Variants in JMJD1C observed in about 807,000 individuals in gnomAD.
JMJD1C encodes the protein jumonji domain-containing protein 1C.
JMJD1C carries 31 observed loss-of-function variants against 245.3 expected under a neutral mutation model. The observed-to-expected ratio is 0.13, with a 90% CI of 0.09 to 0.17. The LOEUF is 0.17. Among genes scored for constraint, JMJD1C ranks in the 10% least tolerant of loss-of-function variants. The probability of loss-of-function intolerance (pLI) is 1.00; values close to 1 mark genes in which losing one functional copy is unlikely to be tolerated. For missense variants in JMJD1C, 2,691 were observed against 3,000.2 expected (o/e 0.90, Z 2.41); for synonymous variants, 1,057 against 1,017.4 (o/e 1.04, Z -0.74).
chr10:63,284,446 G>C (rs1007729761), intron 2 of JMJD1C, among the ~76,000 whole-genome samples: 3 of 152,160 alleles, frequency 2.0e-5, no homozygotes, highest in Non-Finnish European at 4.4e-5. Context: ...TGAAGGCTGA[G>C]AGTGGTGTTA....
intron 1 of JMJD1C, among the ~76,000 whole-genome samples, chr10:63,521,000 C>T (rs1955201186): frequency 6.6e-6 from 1 of 152,218 alleles, no homozygotes; most frequent in Non-Finnish European, 1.5e-5. Context: ...AAAACCAGGG[C>T]CTGGTCGAGA....
At chr10:63,462,165 C>G (rs1952838789) in intron 1 of JMJD1C, among the ~76,000 whole-genome samples, 1 of 152,144 alleles carries the variant, frequency 6.6e-6, no homozygotes, top group African/African-American at 2.4e-5. Context: ...ATAAAAAAGG[C>G]TTAGATATTT....
chr10:63,199,454 C>G (rs1236217088), intron 11 of JMJD1C, among the ~76,000 whole-genome samples: 2 of 152,018 alleles, frequency 1.3e-5, no homozygotes, highest in Non-Finnish European at 2.9e-5. Context: ...TTCTTTTATC[C>G]CTACTTTTCA....
At chr10:63,495,322 A>C (rs1422523312) in intron 1 of JMJD1C, among the ~76,000 whole-genome samples, 1 of 152,146 alleles carries the variant, frequency 6.6e-6, no homozygotes, top group East Asian at 1.9e-4. Context: ...TATAGGAGCC[A>C]ATCTGGAGAC....
At chr10:63,506,213 A>G (rs1954713209) in intron 1 of JMJD1C, among the ~76,000 whole-genome samples, 1 of 152,184 alleles carries the variant, frequency 6.6e-6, no homozygotes, top group Non-Finnish European at 1.5e-5. Flanking sequence ...TGATCAATAT[A>G]ATAAAGGAAT....
At position 63,268,514 on chromosome 10, in the gene JMJD1C, A is replaced by G. The variant is rs973988446; in HGVS notation, c.334-3750T>C. On this transcript the variant is annotated intron_variant, in intron 2 of 25. Transcript: ENST00000399262. ...ACTACAAACACAATAAACCTTTTTA[A>G]ACAAATGAAAGTTAAAAATTCTTAA... The G allele has an allele frequency of 1.9e-4, 32 of 167,354 alleles. No homozygotes were observed. In the East Asian group the frequency reaches 5.5e-3, roughly 29 times the overall value. The allele number at this position is 167,354 out of a possible 1,614,324, so 10.4% of individuals were successfully genotyped here.
At chr10:63,406,881 C>CA (rs1949203132) in intron 1 of JMJD1C, among the ~76,000 whole-genome samples, 1 of 151,800 alleles carries the variant, frequency 6.6e-6, no homozygotes, top group African/African-American at 2.4e-5. Context: ...ATGTAGGACT[C>CA]AAAGAATAAT....
intron 1 of JMJD1C, chr10:63,521,500 C>T: frequency 7.3e-7 from 1 of 1,363,770 alleles, no homozygotes; most frequent in Non-Finnish European, 9.6e-7. Context: ...GTCCGCAGCG[C>T]CCTGCGCCCA....
chr10:63,350,220 T>C (rs1359088319), intron 2 of JMJD1C, among the ~76,000 whole-genome samples: 3 of 152,174 alleles, frequency 2.0e-5, no homozygotes, highest in Non-Finnish European at 2.9e-5. Context: ...TGTGGGTTTA[T>C]TGTTTGTGAG....
intron 2 of JMJD1C, among the ~76,000 whole-genome samples, chr10:63,365,494 G>A (rs1945756614): frequency 6.6e-6 from 1 of 152,158 alleles, no homozygotes; most frequent in Non-Finnish European, 1.5e-5. Context: ...ATTCAGGCCA[G>A]GTGCAGTGGC....
At chr10:63,390,693 G>C (rs1366941956) in intron 1 of JMJD1C, among the ~76,000 whole-genome samples, 1 of 152,100 alleles carries the variant, frequency 6.6e-6, no homozygotes, top group Non-Finnish European at 1.5e-5. Context: ...TCAAGATCAA[G>C]TGAAAATTTT....
At chr10:63,394,849 A>C (rs1021054755) in intron 1 of JMJD1C, among the ~76,000 whole-genome samples, 10 of 151,816 alleles carry the variant, frequency 6.6e-5, no homozygotes, top group African/African-American at 2.4e-4. Context: ...CATCACAAAA[A>C]AAAAAAAAAG....
At chr10:63,206,196 C>T (rs1846598705) in intron 10 of JMJD1C, among the ~76,000 whole-genome samples, 1 of 152,182 alleles carries the variant, frequency 6.6e-6, no homozygotes, top group South Asian at 2.1e-4. Flanking sequence ...TCTTTCCTGA[C>T]TACATCTTGT....
At chr10:63,394,986 C>G (rs1463492746) in intron 1 of JMJD1C, among the ~76,000 whole-genome samples, 1 of 151,916 alleles carries the variant, frequency 6.6e-6, no homozygotes, top group Non-Finnish European at 1.5e-5. Context: ...AGACTTGTAT[C>G]AAGAATATAT....
chr10:63,498,907 C>CTA (rs1206832503), intron 1 of JMJD1C, among the ~76,000 whole-genome samples: 1 of 152,186 alleles, frequency 6.6e-6, no homozygotes, highest in East Asian at 1.9e-4. Flanking sequence ...CCCCTGGGAA[C>CTA]TACCATTCTA....
intron 2 of JMJD1C, among the ~76,000 whole-genome samples, chr10:63,296,897 T>A (rs1859495519): frequency 6.6e-6 from 1 of 152,200 alleles, no homozygotes; most frequent in Non-Finnish European, 1.5e-5. Context: ...AAATCTCTAT[T>A]TTACTCGTAA....
chr10:63,227,233 TAGGTTTAATGACACC>T (rs1849402352), intron 3 of JMJD1C, among the ~76,000 whole-genome samples: 1 of 152,174 alleles, frequency 6.6e-6, no homozygotes, highest in South Asian at 2.1e-4. Context: ...TATGCCTAGT[TAGGTTTAATGACACC>T]AGTATTATGA....
intron 1 of JMJD1C, among the ~76,000 whole-genome samples, chr10:63,475,882 C>T (rs1374545741): frequency 1.3e-5 from 2 of 152,150 alleles, no homozygotes; most frequent in Non-Finnish European, 2.9e-5. Context: ...GCAAATCAAT[C>T]CCCATCTTAA....
At chr10:63,197,697 T>A (rs1444167843) in intron 12 of JMJD1C, 134 bp from the exon 13 acceptor site, 5 of 648,582 alleles carry the variant, frequency 7.7e-6, no homozygotes, top group Non-Finnish European at 9.7e-6. Flanking sequence ...TGAAGACCAA[T>A]AGCTTTCTTG....
Sources: gnomAD v4.1 joint callset for allele counts (sites outside exome capture counted in the v4.1 genomes callset) on GRCh38, gnomAD v4.1.1 for gene constraint, MANE v1.5 for transcripts, NCBI Gene and HGNC (gene_info 2026-07-23, HGNC 2026-07-21) for gene names.